Variants in RIT2 observed in about 807,000 individuals in gnomAD.
RIT2 encodes Ras like without CAAX 2, also known as GTP-binding protein Rit2.
RIT2 carries 24 observed loss-of-function variants against 23.7 expected under a neutral mutation model. The observed-to-expected ratio is 1.01, with a 90% CI of 0.73 to 1.43. The LOEUF (loss-of-function observed/expected upper bound fraction) is 1.43. Ranked by LOEUF, RIT2 falls within the 40% of genes most tolerant of loss-of-function variation. The pLI is 0.00. For missense variants in RIT2, 236 were observed against 266.9 expected (o/e 0.88, Z 0.81); for synonymous variants, 107 against 91.1 (o/e 1.17, Z -0.99).
At chr18:43,080,515 A>C (rs903522207) in intron 1 of RIT2, among the ~76,000 whole-genome samples, 13 of 152,230 alleles carry the variant, frequency 8.5e-5, no homozygotes, top group African/African-American at 3.1e-4. Context: ...GACAAAAAAA[A>C]CCTACCTCCT....
At chr18:42,824,120 G>A (rs1007894684) in intron 4 of RIT2, among the ~76,000 whole-genome samples, 1 of 152,020 alleles carries the variant, frequency 6.6e-6, no homozygotes, top group Non-Finnish European at 1.5e-5. Flanking sequence ...TATTACTAAT[G>A]GTTCTAGATG....
chr18:42,950,745 A>G (rs1909830943), intron 3 of RIT2, among the ~76,000 whole-genome samples: 1 of 151,968 alleles, frequency 6.6e-6, no homozygotes, highest in Non-Finnish European at 1.5e-5. Context: ...AAAGACATGA[A>G]CAGACATTTA....
chr18:42,771,695 A>T (rs1402009722), intron 4 of RIT2, among the ~76,000 whole-genome samples: 4 of 152,202 alleles, frequency 2.6e-5, no homozygotes, highest in African/African-American at 9.6e-5. Flanking sequence ...ATTTTTTTCT[A>T]GTTTATTTTC....
chr18:42,914,893 G>A (rs1021004958), intron 4 of RIT2, among the ~76,000 whole-genome samples: 1 of 151,826 alleles, frequency 6.6e-6, no homozygotes, highest in Admixed American at 6.6e-5. Flanking sequence ...GGATGCACAG[G>A]GTTTTTATAC....
At chr18:43,043,562 G>A (rs1474530047) in intron 1 of RIT2, among the ~76,000 whole-genome samples, 6 of 152,088 alleles carry the variant, frequency 3.9e-5, no homozygotes, top group Non-Finnish European at 7.4e-5. Context: ...AGGCCAAGGC[G>A]GGCCGATTAC....
At position 43,023,704 on chromosome 18, in the gene RIT2, G is replaced by A. The variant is rs912708698; in HGVS notation, c.160+10107C>T. Among the ~76,000 whole-genome samples the A allele has an allele frequency of 3.9e-5, 6 of 152,096 alleles. No individual in the cohort carries two copies. In the East Asian group the frequency reaches 1.2e-3, roughly 30 times the overall value. Reference sequence around the variant, plus strand: ...AACCACACACTGATCATTTTTGGGAGACTCCAATGACTAAAACAGCATTTA... The same window carrying A: ...AACCACACACTGATCATTTTTGGGAAACTCCAATGACTAAAACAGCATTTA... On this transcript the variant is annotated intron_variant, in intron 2 of 4. Coordinates refer to ENST00000326695, the MANE Select transcript of RIT2 (RefSeq NM_002930.4).
At position 42,964,210 on chromosome 18, in the gene RIT2, T is replaced by C. The variant is rs114422993; in HGVS notation, c.234+9864A>G. 8.1e-3 allele frequency among the ~76,000 whole-genome samples: 1,221 copies of C among 151,406 alleles called. 27 individuals carry two copies. The highest frequency in any genetic ancestry group is 0.028 in the African/African-American group (1,156 of 41,332). On this transcript the variant is annotated intron_variant, in intron 3 of 4. Transcript: ENST00000326695. The stretch of plus-strand genomic sequence containing the variant: ...CATCTCAAAAAATAATAATAATAAA[T>C]AAATATAATAAAAAAATAAAATCAA...
chr18:42,943,782 C>T (rs1160121057), intron 3 of RIT2, among the ~76,000 whole-genome samples: 2 of 152,224 alleles, frequency 1.3e-5, no homozygotes, highest in African/African-American at 4.8e-5. Flanking sequence ...GTCAATGACA[C>T]TAGGACATTA....
chr18:43,057,696 C>T (rs1014175763), intron 1 of RIT2, among the ~76,000 whole-genome samples: 1 of 151,894 alleles, frequency 6.6e-6, no homozygotes, highest in Non-Finnish European at 1.5e-5. Context: ...GGTATAGCAC[C>T]TTATAGTTTT....
At chr18:42,844,282 G>A (rs1906847856) in intron 4 of RIT2, among the ~76,000 whole-genome samples, 1 of 152,196 alleles carries the variant, frequency 6.6e-6, no homozygotes, top group Admixed American at 6.5e-5. Flanking sequence ...CACTTGCCTT[G>A]TCACATGGGG....
intron 4 of RIT2, among the ~76,000 whole-genome samples, chr18:42,802,174 G>T (rs1045457040): frequency 6.6e-6 from 1 of 152,078 alleles, no homozygotes; most frequent in African/African-American, 2.4e-5. Context: ...ATTTTAATTA[G>T]GATTATAATT....
At chr18:43,088,843 G>A (rs772203840) in intron 1 of RIT2, among the ~76,000 whole-genome samples, 1 of 151,992 alleles carries the variant, frequency 6.6e-6, no homozygotes, top group Non-Finnish European at 1.5e-5. Flanking sequence ...TGCAATATTT[G>A]TTCTTGACAG....
chr18:42,754,749 C>A (rs1598640870), intron 4 of RIT2, among the ~76,000 whole-genome samples: 1 of 152,146 alleles, frequency 6.6e-6, no homozygotes, highest in Non-Finnish European at 1.5e-5. Flanking sequence ...GTGGCAGGTG[C>A]TCATTAAATA....
intron 4 of RIT2, among the ~76,000 whole-genome samples, chr18:42,769,843 T>TATAATAATAATAATAATA (rs149525390): frequency 7.1e-6 from 1 of 141,476 alleles, no homozygotes; most frequent in Admixed American, 7.2e-5. Context: ...AAACTTAAAG[T>TATAATAATAATAATAATA]ATAATAATAA....
chr18:42,906,764 T>C (rs1242754550), intron 4 of RIT2, among the ~76,000 whole-genome samples: 1 of 152,230 alleles, frequency 6.6e-6, no homozygotes, highest in Non-Finnish European at 1.5e-5. Context: ...GCCCCATATC[T>C]GTCTGATAAT....
chr18:43,040,546 G>A (rs978900649), intron 1 of RIT2, among the ~76,000 whole-genome samples: 2 of 152,056 alleles, frequency 1.3e-5, no homozygotes, highest in Non-Finnish European at 2.9e-5. Context: ...TGAAAAATTG[G>A]CAGAAAAGTG....
intron 4 of RIT2, among the ~76,000 whole-genome samples, chr18:42,769,105 T>C (rs1913490197): frequency 6.6e-6 from 1 of 152,112 alleles, no homozygotes; most frequent in South Asian, 2.1e-4. Flanking sequence ...TGTCCTTTGA[T>C]AGTAGAAGCT....
chr18:42,990,916 T>G (rs1039542377), intron 2 of RIT2, among the ~76,000 whole-genome samples: 41 of 147,228 alleles, frequency 2.8e-4, no homozygotes, highest in Non-Finnish European at 7.4e-5. Context: ...GGTTTTGTTT[T>G]TTTTTTTTTT....
At chr18:43,080,489 C>A (rs947823849) in intron 1 of RIT2, among the ~76,000 whole-genome samples, 1 of 152,162 alleles carries the variant, frequency 6.6e-6, no homozygotes, top group Non-Finnish European at 1.5e-5. Flanking sequence ...CAGCCCATGG[C>A]AACCTGAAGC....
Sources: gnomAD v4.1 joint callset for allele counts (sites outside exome capture counted in the v4.1 genomes callset) on GRCh38, gnomAD v4.1.1 for gene constraint, MANE v1.5 for transcripts, NCBI Gene and HGNC (gene_info 2026-07-23, HGNC 2026-07-21) for gene names.